Variants in UBE2E2 observed in about 807,000 individuals in gnomAD.
UBE2E2 encodes ubiquitin-conjugating enzyme E2 E2.
In UBE2E2, 6 loss-of-function variants were observed where a neutral mutation model predicts 24.7. The observed-to-expected ratio is 0.24, with a 90% CI of 0.13 to 0.48. UBE2E2 has a LOEUF of 0.48. UBE2E2 is among the 20% of genes least tolerant of loss of function. UBE2E2 has a pLI of 0.99. For synonymous variants in UBE2E2, 104 were observed against 83.6 expected (o/e 1.24, Z -1.33); for missense variants, 169 against 245.0 (o/e 0.69, Z 2.07).
chr3:23,342,073 A>G (rs1235317737), intron 3 of UBE2E2, among the ~76,000 whole-genome samples: 3 of 152,220 alleles, frequency 2.0e-5, no homozygotes, highest in African/African-American at 7.2e-5. Context: ...TGAAATTTCA[A>G]ATTCATTTAG....
intron 3 of UBE2E2, among the ~76,000 whole-genome samples, chr3:23,261,791 G>A (rs1318430300): frequency 2.0e-5 from 3 of 152,072 alleles, no homozygotes; most frequent in Non-Finnish European, 4.4e-5. Flanking sequence ...CAAATGGCAG[G>A]ATTTCCTTCC....
At chr3:23,467,824 C>T (rs767560442) in intron 3 of UBE2E2, among the ~76,000 whole-genome samples, 4 of 152,126 alleles carry the variant, frequency 2.6e-5, no homozygotes, top group Non-Finnish European at 5.9e-5. Context: ...CTGGGGAGGC[C>T]TCAGGAAACT....
In UBE2E2 at chr3:23,418,229, C is replaced by T. The variant is rs536150068; in HGVS notation, c.228-81379C>T. 1.1e-3 allele frequency among the ~76,000 whole-genome samples: 175 copies of T among 152,276 alleles called. 2 individuals are homozygous for T. Among genetic ancestry groups the T allele is most frequent in the African/African-American group, 3.8e-3 (156 of 41,544 alleles). On this transcript the variant is annotated intron_variant, in intron 3 of 5. Coordinates refer to ENST00000396703, the MANE Select transcript of UBE2E2 (RefSeq NM_152653.4). ...CTCCTGGTCTGCAGGTTGCAGAGAC[C>T]GTGGGAAAAGCGTAGTATCAGGGCC...
chr3:23,291,848 A>ATTT (rs1295343138), intron 3 of UBE2E2, among the ~76,000 whole-genome samples: 3 of 71,300 alleles, frequency 4.2e-5, no homozygotes, highest in African/African-American at 1.7e-4. Flanking sequence ...ATGCCCGGCT[A>ATTT]ATTTTTTTTT....
chr3:23,376,939 A>C (rs992503535), intron 3 of UBE2E2, among the ~76,000 whole-genome samples: 18 of 152,206 alleles, frequency 1.2e-4, no homozygotes, highest in Non-Finnish European at 2.2e-4. Flanking sequence ...GAGGGAGAAA[A>C]CACTCCAGCT....
intron 3 of UBE2E2, among the ~76,000 whole-genome samples, chr3:23,268,492 C>A (rs1330092114): frequency 2.0e-5 from 3 of 150,612 alleles, no homozygotes; most frequent in Middle Eastern, 3.4e-3. Flanking sequence ...ATCCAACTTA[C>A]AAGGGATGTG....
intron 5 of UBE2E2, among the ~76,000 whole-genome samples, chr3:23,558,126 T>G (rs995441200): frequency 1.3e-5 from 2 of 152,176 alleles, no homozygotes; most frequent in African/African-American, 4.8e-5. Flanking sequence ...CCTAATGAGA[T>G]AAGTCCTCCA....
intron 3 of UBE2E2, among the ~76,000 whole-genome samples, chr3:23,308,919 A>C (rs1451340188): frequency 6.6e-6 from 1 of 152,180 alleles, no homozygotes; most frequent in African/African-American, 2.4e-5. Context: ...TACAAGTCCC[A>C]CAGTCCAAAG....
At chr3:23,260,208 A>G (rs943985497) in intron 3 of UBE2E2, among the ~76,000 whole-genome samples, 1 of 152,222 alleles carries the variant, frequency 6.6e-6, no homozygotes, top group East Asian at 1.9e-4. Flanking sequence ...TAATGGATAT[A>G]TTATGCAATT....
intron 3 of UBE2E2, among the ~76,000 whole-genome samples, chr3:23,451,790 A>G (rs954701614): frequency 1.3e-5 from 2 of 152,148 alleles, no homozygotes; most frequent in African/African-American, 2.4e-5. Context: ...AGAAATCTCT[A>G]TGTTGGTGGA....
At chr3:23,209,823 A>G (rs1696268283) in intron 2 of UBE2E2, among the ~76,000 whole-genome samples, 3 of 152,058 alleles carry the variant, frequency 2.0e-5, no homozygotes, top group Admixed American at 2.0e-4. Context: ...TTGGTGAGAG[A>G]TGTTGGAGGG....
intron 3 of UBE2E2, among the ~76,000 whole-genome samples, chr3:23,444,253 G>A (rs1698376081): frequency 6.6e-6 from 1 of 151,892 alleles, no homozygotes; most frequent in South Asian, 2.1e-4. Context: ...CTCAAGTTCT[G>A]GACATATTTC....
intron 3 of UBE2E2, among the ~76,000 whole-genome samples, chr3:23,440,313 G>T: frequency 6.6e-6 from 1 of 152,100 alleles, no homozygotes; most frequent in Admixed American, 6.5e-5. Context: ...TCACTATGTT[G>T]CCCAGGCTGG....
chr3:23,219,123 T>C (rs1696557921), intron 3 of UBE2E2, among the ~76,000 whole-genome samples: 1 of 152,216 alleles, frequency 6.6e-6, no homozygotes, highest in Non-Finnish European at 1.5e-5. Context: ...GGATAGCTGA[T>C]AAGTTTGCTT....
At chr3:23,294,589 GT>G (rs561279157) in intron 3 of UBE2E2, among the ~76,000 whole-genome samples, 63 of 144,182 alleles carry the variant, frequency 4.4e-4, no homozygotes, top group South Asian at 2.6e-3. Flanking sequence ...ATCTTTATTA[GT>G]TTTTTTATTA....
At chr3:23,535,100 T>A (rs1453565230) in intron 5 of UBE2E2, among the ~76,000 whole-genome samples, 2 of 152,224 alleles carry the variant, frequency 1.3e-5, no homozygotes, top group Non-Finnish European at 2.9e-5. Context: ...CAGATGTAGA[T>A]TTGAAAACCA....
chr3:23,532,644 TTAAC>T lies in UBE2E2; in HGVS notation c.454_457del (p.Thr152PhefsTer30). ...CTTAAAGGACAACTGGAGTCCGGCT[TTAAC>T]TATTTCTAAAGTTCTCCTCTCCATC... On this transcript the variant is annotated frameshift_variant, in exon 5 of 6. Transcript: ENST00000396703. LOFTEE classifies it high-confidence loss of function. The T allele has an allele frequency of 6.3e-7, 1 of 1,576,206 alleles. No individual in the cohort carries two copies. Among genetic ancestry groups the T allele is most frequent in the Non-Finnish European group, 8.7e-7 (1 of 1,153,624 alleles).
intron 4 of UBE2E2, among the ~76,000 whole-genome samples, chr3:23,503,350 CG>C (rs111465579): frequency 0.029 from 4,438 of 151,724 alleles, 229 homozygotes; most frequent in African/African-American, 0.1. Flanking sequence ...CCACCACACT[CG>C]GCCTATTTTT....
chr3:23,256,163 C>T (rs1022235974), intron 3 of UBE2E2, among the ~76,000 whole-genome samples: 4 of 152,136 alleles, frequency 2.6e-5, no homozygotes, highest in Admixed American at 6.5e-5. Context: ...ATTTTTCTTT[C>T]GTTCTTAATT....
Sources: gnomAD v4.1 joint callset for allele counts (sites outside exome capture counted in the v4.1 genomes callset) on GRCh38, gnomAD v4.1.1 for gene constraint, MANE v1.5 for transcripts, NCBI Gene and HGNC (gene_info 2026-07-23, HGNC 2026-07-21) for gene names.